ZDHHC15: variants seen among roughly 807,000 people sequenced by gnomAD.
The protein encoded by ZDHHC15 is palmitoyltransferase ZDHHC15.
In ZDHHC15, 19 loss-of-function variants were observed where a neutral mutation model predicts 31.7. That is an observed-to-expected ratio of 0.60 (90% confidence interval 0.42 to 0.88). ZDHHC15 has a LOEUF of 0.88. Among genes scored for constraint, ZDHHC15 ranks in the 40% least tolerant of loss-of-function variants. ZDHHC15 has a pLI of 0.00. For missense variants in ZDHHC15, 209 were observed against 251.2 expected, an observed-to-expected ratio of 0.83 and a Z score of 1.14; for synonymous variants, 103 against 90.0, an observed-to-expected ratio of 1.14 and a Z score of -0.82.
intron 10 of ZDHHC15, chrX:75,384,424 T>C (rs1478833391): frequency 1.0e-6 from 1 of 969,820 alleles, no homozygotes; most frequent in Non-Finnish European, 1.5e-6. Context: ...AGTTGTTCCT[T>C]TGGCCACGTA....
intron 2 of ZDHHC15, among the ~76,000 whole-genome samples, chrX:75,491,190 A>G (rs1195745631): frequency 9.0e-6 from 1 of 110,751 alleles, no homozygotes; most frequent in Non-Finnish European, 1.9e-5. Context: ...TGTTTACTGC[A>G]GCACTATTCA....
At chrX:75,492,880 G>T (rs904980886) in intron 2 of ZDHHC15, among the ~76,000 whole-genome samples, 1 of 111,467 alleles carries the variant, frequency 9.0e-6, no homozygotes, top group African/African-American at 3.3e-5. Context: ...AACTAGAGAA[G>T]CAAGAGCAAA....
At chrX:75,503,673 C>G (rs1326256505) in intron 2 of ZDHHC15, among the ~76,000 whole-genome samples, 1 of 111,249 alleles carries the variant, frequency 9.0e-6, no homozygotes, top group African/African-American at 3.3e-5. Flanking sequence ...TTATTTGCTA[C>G]TGATATAATG....
intron 4 of ZDHHC15, among the ~76,000 whole-genome samples, chrX:75,441,074 A>G (rs1292006800): frequency 8.9e-6 from 1 of 111,896 alleles, no homozygotes; most frequent in Non-Finnish European, 1.9e-5. Flanking sequence ...TGCAGGGCTG[A>G]CATCTTGCCT....
chrX:75,431,326 G>T (rs2083777601), intron 5 of ZDHHC15, 125 bp downstream of exon 5: 1 of 595,532 alleles, frequency 1.7e-6, no homozygotes, highest in Admixed American at 3.9e-5. Context: ...TTTGGCATAT[G>T]CTCATTATAA....
rs2083143969 is a variant in ZDHHC15 at position 75,383,734 on chromosome X, GGT to G, written c.968-4538_968-4537del. Among the ~76,000 whole-genome samples the G allele has an allele frequency of 2.6e-5, 2 of 77,792 alleles. 1 individual carries two copies. Among genetic ancestry groups the G allele is most frequent in the Non-Finnish European group, 4.8e-5 (2 of 41,880 alleles). 67.6% of individuals were successfully genotyped at this position (77,792 alleles called of 115,157 possible). A position where few individuals can be genotyped will look rare whatever the true frequency, so the allele number is the denominator to read the frequency against. ...ACTACCCCAAATTTAAGAAATGTTA[GGT>G]TTTTTTTTTTTTTTTTTTTTGAGAT... On this transcript the variant is annotated intron_variant, in intron 10 of 11. Coordinates refer to ENST00000373367, the MANE Select transcript of ZDHHC15 (RefSeq NM_144969.3).
chrX:75,394,187 A>C (rs2083274764), intron 10 of ZDHHC15, among the ~76,000 whole-genome samples: 1 of 111,731 alleles, frequency 9.0e-6, no homozygotes, highest in Non-Finnish European at 1.9e-5. Flanking sequence ...AAATCAAAAA[A>C]CATATTACAG....
At chrX:75,376,255 G>GTT (rs765346931) in intron 11 of ZDHHC15, among the ~76,000 whole-genome samples, 38 of 48,922 alleles carry the variant, frequency 7.8e-4, no homozygotes, top group African/African-American at 1.4e-3. Context: ...TTTTAATGGG[G>GTT]TTGTTTTTTT....
intron 10 of ZDHHC15, among the ~76,000 whole-genome samples, chrX:75,389,582 G>A (rs933631518): frequency 2.7e-5 from 3 of 110,214 alleles, no homozygotes; most frequent in Non-Finnish European, 5.7e-5. Flanking sequence ...TAGCTCATGG[G>A]TGACATTACT....
chrX:75,506,900 C>A (rs2085174734), intron 1 of ZDHHC15, among the ~76,000 whole-genome samples: 1 of 111,859 alleles, frequency 8.9e-6, no homozygotes. Context: ...TGGCTGAATA[C>A]TTGCAGCTAA....
intron 1 of ZDHHC15, among the ~76,000 whole-genome samples, chrX:75,506,177 T>G (rs1254104087): frequency 8.9e-6 from 1 of 112,035 alleles, no homozygotes; most frequent in Non-Finnish European, 1.9e-5. Context: ...ATAAAAGGCC[T>G]ATGTAAACAT....
At position 75,393,838 on chromosome X, in the gene ZDHHC15, G is replaced by A. The variant is rs1318789298; in HGVS notation, c.968-14640C>T. 8.0e-5 allele frequency among the ~76,000 whole-genome samples: 9 copies of A among 111,989 alleles called. 1 individual carries two copies. Among genetic ancestry groups the A allele is most frequent in the South Asian group, 3.7e-4 (1 of 2,669 alleles). ...CAATAGGCTGTCTGCAGGCTGAGGA[G>A]CAAGGAGAGCCAGTCCAAGTTACAA... On this transcript the variant is annotated intron_variant, in intron 10 of 11. Transcript: ENST00000373367.
At chrX:75,402,458 G>GT (rs1291856079) in intron 10 of ZDHHC15, among the ~76,000 whole-genome samples, 3 of 110,647 alleles carry the variant, frequency 2.7e-5, no homozygotes, top group Non-Finnish European at 5.7e-5. Context: ...CCAGGAACTG[G>GT]TTTTTTTGAA....
chrX:75,394,363 TC>T (rs1475344494), intron 10 of ZDHHC15, among the ~76,000 whole-genome samples: 1 of 109,248 alleles, frequency 9.2e-6, no homozygotes, highest in African/African-American at 3.3e-5. Flanking sequence ...AGGAGCAAGC[TC>T]TTTTCAATAA....
chrX:75,435,954 T>G (rs1188702742), intron 4 of ZDHHC15, among the ~76,000 whole-genome samples: 1 of 111,964 alleles, frequency 8.9e-6, no homozygotes, highest in Admixed American at 9.5e-5. Context: ...AGAATTCAGC[T>G]GTGAATCCAT....
At chrX:75,488,595 T>C (rs1032843210) in intron 2 of ZDHHC15, among the ~76,000 whole-genome samples, 2 of 111,896 alleles carry the variant, frequency 1.8e-5, no homozygotes, top group Admixed American at 1.9e-4. Context: ...ACAGGACATA[T>C]TAAAAAATAA....
chrX:75,499,251 C>A (rs2085054700), intron 2 of ZDHHC15, among the ~76,000 whole-genome samples: 2 of 111,481 alleles, frequency 1.8e-5, no homozygotes, highest in Non-Finnish European at 3.8e-5. Flanking sequence ...GACCCAAAAG[C>A]AAATGCAACA....
intron 1 of ZDHHC15, among the ~76,000 whole-genome samples, chrX:75,514,792 G>C (rs2367298): frequency 0.58 from 64,330 of 110,190 alleles, 16,887 homozygotes; most frequent in Non-Finnish European, 0.82. Flanking sequence ...CTCACTGCTA[G>C]TACAGCAGTC....
At chrX:75,408,553 C>T (rs1281159513) in intron 10 of ZDHHC15, among the ~76,000 whole-genome samples, 1 of 111,870 alleles carries the variant, frequency 8.9e-6, no homozygotes, top group Non-Finnish European at 1.9e-5. Flanking sequence ...GATGAGGAGG[C>T]CCACTTTCAC....
Sources: gnomAD v4.1 joint callset for allele counts (sites outside exome capture counted in the v4.1 genomes callset) on GRCh38, gnomAD v4.1.1 for gene constraint, MANE v1.5 for transcripts, NCBI Gene and HGNC (gene_info 2026-07-23, HGNC 2026-07-21) for gene names.